Variants in PCDHGB2 observed in about 807,000 individuals in gnomAD.
The protein encoded by PCDHGB2 is protocadherin gamma-B2.
PCDHGB2 carries 55 observed loss-of-function variants against 59.3 expected under a neutral mutation model. The ratio of observed to expected loss-of-function variants is 0.93; its 90% CI spans 0.75 to 1.16. The LOEUF (loss-of-function observed/expected upper bound fraction) is 1.16, where lower values mean the gene tolerates loss of function less well. PCDHGB2 is among the 50% of genes most tolerant of loss of function. The pLI is 0.00. For synonymous variants in PCDHGB2, 516 were observed against 512.0 expected, an observed-to-expected ratio of 1.01 and a Z score of -0.11; for missense variants, 1,228 against 1,198.5, an observed-to-expected ratio of 1.02 and a Z score of -0.36.
At chr5:141,367,777 T>C (rs1765325375) in intron 1 of PCDHGB2, 1 of 152,150 alleles carries the variant, frequency 6.6e-6, no homozygotes, top group Non-Finnish European at 1.5e-5. Flanking sequence ...AATGTAAATA[T>C]GTCACACACC....
chr5:141,477,193 C>G lies in PCDHGB2; in HGVS notation c.2422-17614C>G. The G allele has an allele frequency of 6.2e-7, 1 of 1,614,176 alleles. No homozygotes were observed. Among genetic ancestry groups the G allele is most frequent in the Non-Finnish European group, 8.5e-7 (1 of 1,180,036 alleles). On this transcript the variant is annotated intron_variant, in intron 1 of 3. Transcript: ENST00000522605. This position sits in a 1 kb window ranked among gnomAD's most constrained non-coding sequence, Gnocchi z 4.9. ...AGATCACAGTCACCTCCGTGTACAG[C>G]CCAGTACCCGAGGATGCCCCTCTGG...
intron 3 of PCDHGB2, among the ~76,000 whole-genome samples, chr5:141,505,861 C>A (rs115699706): frequency 0.034 from 5,102 of 152,242 alleles, 131 homozygotes; most frequent in Admixed American, 0.057. Flanking sequence ...GGGACAGGGA[C>A]CCCAAAGGGT....
chr5:141,491,110 C>T lies in PCDHGB2; in HGVS notation c.2422-3697C>T. On this transcript the variant is annotated intron_variant, in intron 1 of 3. Transcript: ENST00000522605. This position sits in a 1 kb window ranked among gnomAD's most constrained non-coding sequence, Gnocchi z 6.9. ...CCCAGGACTGTTCCTCGTGTCTACA[C>T]ACACTGGTGAGGTGCGCACAGCCCG... 3.7e-6 allele frequency: 6 copies of T among 1,614,212 alleles called. No individual in the cohort carries two copies. Among genetic ancestry groups the T allele is most frequent in the Non-Finnish European group, 5.1e-6 (6 of 1,180,024 alleles).
intron 1 of PCDHGB2, chr5:141,430,691 G>C (rs1479214920): frequency 1.4e-6 from 2 of 1,416,472 alleles, no homozygotes; most frequent in Non-Finnish European, 1.9e-6. Flanking sequence ...CCATTCTATG[G>C]GCGAAGGAAC....
At chr5:141,420,062 T>G (rs759817545) in intron 1 of PCDHGB2, 1 of 1,614,066 alleles carries the variant, frequency 6.2e-7, no homozygotes, top group Non-Finnish European at 8.5e-7. Context: ...CTGCTCCAAG[T>G]CCGGACCTGT....
chr5:141,376,474 A>G, intron 1 of PCDHGB2: 5 of 1,614,136 alleles, frequency 3.1e-6, no homozygotes, highest in Non-Finnish European at 3.4e-6. Context: ...CTCAGGATTT[A>G]CTTGAAACGA....
chr5:141,425,881 A>T (rs911454948), intron 1 of PCDHGB2, among the ~76,000 whole-genome samples: 1 of 152,230 alleles, frequency 6.6e-6, no homozygotes, highest in Non-Finnish European at 1.5e-5. Flanking sequence ...TCTCTAAGGA[A>T]TCTTCTTTGG....
rs2097419057 is a variant in PCDHGB2 at position 141,431,807 on chromosome 5, A to G, written c.2422-63000A>G. 4 of 1,614,050 alleles carry G rather than the reference A, an allele frequency of 2.5e-6. No individual in the cohort carries two copies. Among genetic ancestry groups the G allele is most frequent in the Non-Finnish European group, 2.5e-6 (3 of 1,180,038 alleles). On this transcript the variant is annotated intron_variant, in intron 1 of 3. Coordinates refer to ENST00000522605, the MANE Select transcript of PCDHGB2 (RefSeq NM_018923.3). This position sits in a 1 kb window ranked among gnomAD's most constrained non-coding sequence, Gnocchi z 4.8. ...CGACAATGCCCCAGAAGTGGTCCTC[A>G]CCTCTCTCGCCAGCTCGGTTCCCGA... is the stretch of plus-strand genomic sequence containing the variant.
chr5:141,448,915 A>T (rs2098616551), intron 1 of PCDHGB2, among the ~76,000 whole-genome samples: 1 of 152,238 alleles, frequency 6.6e-6, no homozygotes. Context: ...ACTGCACTCC[A>T]GCCTGGGCGA....
Position 141,365,100 on chromosome 5 carries a change from T to C in PCDHGB2, c.2421+2544T>C, listed in dbSNP as rs1763736772. The C allele has an allele frequency of 3.1e-6, 5 of 1,613,846 alleles. No homozygotes were observed. The East Asian group carries it at 1.1e-4, about 36-fold the overall frequency. Reference sequence around the variant, plus strand: ...GTGAGTGTTCCAGAGAACATACCTGTGGGCACTCGGCTGCTCATGCTAACC... The same window carrying C: ...GTGAGTGTTCCAGAGAACATACCTGCGGGCACTCGGCTGCTCATGCTAACC... On this transcript the variant is annotated intron_variant, in intron 1 of 3. Coordinates refer to ENST00000522605, the MANE Select transcript of PCDHGB2 (RefSeq NM_018923.3).
chr5:141,427,711 A>G, intron 1 of PCDHGB2: 1 of 1,036,496 alleles, frequency 9.6e-7, no homozygotes. Context: ...AGCGCCTCTG[A>G]CCTGGACCTA....
chr5:141,470,019 C>G (rs2099219272), intron 1 of PCDHGB2, among the ~76,000 whole-genome samples: 1 of 152,154 alleles, frequency 6.6e-6, no homozygotes, highest in South Asian at 2.1e-4. Context: ...ATCCCAGCTA[C>G]TCGGGATGCT....
rs376773009 is a variant in PCDHGB2, at chr5:141,511,838, C to T, written c.*665C>T. 64 of 156,854 alleles carry T rather than the reference C, an allele frequency of 4.1e-4. No homozygotes were observed. Among genetic ancestry groups the T allele is most frequent in the Non-Finnish European group, 6.8e-4 (48 of 70,726 alleles). The allele number at this position is 156,854 out of a possible 1,614,324, so 9.7% of individuals were successfully genotyped here. A position where few individuals can be genotyped will look rare whatever the true frequency, so the allele number is the denominator to read the frequency against. ...TCTTCCCAACGCCCTGGGGACCAGTCTTCTGTTTTGTTTTTCATTGTTTGA... is the reference window on the plus strand; with the variant it reads ...TCTTCCCAACGCCCTGGGGACCAGTTTTCTGTTTTGTTTTTCATTGTTTGA... On this transcript the variant is annotated 3_prime_UTR_variant, in exon 4 of 4. Transcript: ENST00000522605.
chr5:141,414,908 G>A (rs758472270), intron 1 of PCDHGB2: 19 of 1,614,188 alleles, frequency 1.2e-5, no homozygotes, highest in Non-Finnish European at 1.6e-5. Flanking sequence ...GGTTCCACAG[G>A]CGTGGAGCTG....
At chr5:141,404,302 T>G (rs377754198) in intron 1 of PCDHGB2, 1 of 1,613,858 alleles carries the variant, frequency 6.2e-7, no homozygotes, top group African/African-American at 1.3e-5. Flanking sequence ...ATAATCCACC[T>G]GCTTTCTCTC....
At chr5:141,472,256 T>C (rs2099275290) in intron 1 of PCDHGB2, among the ~76,000 whole-genome samples, 1 of 152,176 alleles carries the variant, frequency 6.6e-6, no homozygotes, top group South Asian at 2.1e-4. Flanking sequence ...TAAAGTTATA[T>C]TATAGCCGGG....
intron 3 of PCDHGB2, 154 bp from the exon 4 acceptor site, chr5:141,510,793 G>A: frequency 1.1e-6 from 1 of 935,078 alleles, no homozygotes; most frequent in Non-Finnish European, 1.3e-6. Context: ...CTCTTGTGAA[G>A]AGAGACTACC....
At chr5:141,378,050 A>C (rs1339661342) in intron 1 of PCDHGB2, 2 of 152,190 alleles carry the variant, frequency 1.3e-5, no homozygotes, top group Admixed American at 1.3e-4. Context: ...TTCCTTATCT[A>C]TCTGACTCAA....
At chr5:141,390,632 A>G in intron 1 of PCDHGB2, 1 of 240,428 alleles carries the variant, frequency 4.2e-6, no homozygotes, top group Admixed American at 5.1e-5. Context: ...ATATATGATG[A>G]ATACTTTTTT....
Sources: allele counts gnomAD v4.1 joint callset (sites outside exome capture counted in the v4.1 genomes callset), GRCh38; gene constraint gnomAD v4.1.1; non-coding constraint Gnocchi (gnomAD v3.1); transcripts MANE v1.5; gene names NCBI Gene and HGNC (gene_info 2026-07-23, HGNC 2026-07-21).